The following CNTN5 variants were observed in gnomAD, a reference collection of about 807,000 sequenced individuals.
CNTN5 encodes the protein contactin-5.
Under a neutral mutation model 129.1 loss-of-function variants are expected in CNTN5, and 77 were observed. That is an observed-to-expected ratio of 0.60 (90% CI 0.50 to 0.72). The LOEUF (loss-of-function observed/expected upper bound fraction) is 0.72, where lower values mean the gene tolerates loss of function less well. CNTN5 is among the 30% of genes least tolerant of loss of function. CNTN5 has a pLI of 0.00. For missense variants in CNTN5, 1,478 were observed against 1,328.8 expected, an observed-to-expected ratio of 1.11 and a Z score of -1.75; for synonymous variants, 509 against 465.6, an observed-to-expected ratio of 1.09 and a Z score of -1.20.
chr11:100,088,949 C>A (rs1944653315), intron 13 of CNTN5, among the ~76,000 whole-genome samples: 1 of 151,926 alleles, frequency 6.6e-6, no homozygotes, highest in Non-Finnish European at 1.5e-5. Context: ...AAGCTACAGG[C>A]CAATATCCCC....
chr11:99,250,125 C>T (rs527293766), intron 1 of CNTN5, among the ~76,000 whole-genome samples: 4 of 152,022 alleles, frequency 2.6e-5, no homozygotes, highest in African/African-American at 7.2e-5. Context: ...TTTGTGATAA[C>T]ATAATTGAAT....
chr11:99,436,199 T>C (rs1261068339), intron 2 of CNTN5, among the ~76,000 whole-genome samples: 2 of 152,170 alleles, frequency 1.3e-5, no homozygotes, highest in African/African-American at 2.4e-5. Flanking sequence ...TTACTACATA[T>C]TGAGTGCTGT....
rs1946535024 is a variant in CNTN5, at chr11:99,504,331, A to G, written c.-70-51814A>G. On this transcript the variant is annotated intron_variant, in intron 2 of 24. Transcript: ENST00000524871. ...GCTGAGGTGGGCACATCATGAGGGCAGGAGATCGAGACCATCATGGCTAAC... is the reference window on the plus strand; with the variant it reads ...GCTGAGGTGGGCACATCATGAGGGCGGGAGATCGAGACCATCATGGCTAAC... Among the ~76,000 whole-genome samples the G allele has an allele frequency of 3.9e-5, 6 of 152,190 alleles. No individual in the cohort carries two copies. In the South Asian group the frequency reaches 1.2e-3, roughly 32 times the overall value.
chr11:99,460,861 T>G (rs2135232198), intron 2 of CNTN5, among the ~76,000 whole-genome samples: 1 of 152,066 alleles, frequency 6.6e-6, no homozygotes, highest in Non-Finnish European at 1.5e-5. Flanking sequence ...TCCCAAACGA[T>G]CCATCCATTC....
chr11:99,245,122 CTCTT>C (rs1379068290), intron 1 of CNTN5, among the ~76,000 whole-genome samples: 1 of 152,152 alleles, frequency 6.6e-6, no homozygotes, highest in Non-Finnish European at 1.5e-5. Context: ...ACTGCACACA[CTCTT>C]TATTGCTTCA....
intron 2 of CNTN5, among the ~76,000 whole-genome samples, chr11:99,370,247 A>G (rs527922296): frequency 6.4e-4 from 97 of 152,322 alleles, no homozygotes; most frequent in African/African-American, 2.2e-3. Flanking sequence ...CCTGTACACA[A>G]TAGGTTATCT....
chr11:99,184,346 C>T (rs896673227), intron 1 of CNTN5, among the ~76,000 whole-genome samples: 2 of 152,162 alleles, frequency 1.3e-5, no homozygotes, highest in African/African-American at 4.8e-5. Flanking sequence ...TATGAACTCA[C>T]AGCTGCTACT....
intron 2 of CNTN5, among the ~76,000 whole-genome samples, chr11:99,487,877 A>C (rs1410942520): frequency 6.6e-6 from 1 of 152,222 alleles, no homozygotes; most frequent in Non-Finnish European, 1.5e-5. Context: ...TGTACGTGCC[A>C]CATACTTGCA....
chr11:99,362,879 G>C (rs1353591761), intron 2 of CNTN5, among the ~76,000 whole-genome samples: 4 of 151,134 alleles, frequency 2.6e-5, no homozygotes, highest in African/African-American at 9.7e-5. Context: ...TATTCTGTAG[G>C]TCTGTACTTA....
chr11:99,348,366 T>G (rs1337677123), intron 2 of CNTN5, among the ~76,000 whole-genome samples: 1 of 152,150 alleles, frequency 6.6e-6, no homozygotes, highest in Admixed American at 6.5e-5. Flanking sequence ...AGAACAGTCT[T>G]CTGAAGTAAT....
intron 1 of CNTN5, among the ~76,000 whole-genome samples, chr11:99,291,834 TC>T (rs1456717273): frequency 1.3e-5 from 2 of 151,960 alleles, no homozygotes; most frequent in African/African-American, 4.8e-5. Context: ...TTGATAATCT[TC>T]CACCATCTGC....
intron 1 of CNTN5, among the ~76,000 whole-genome samples, chr11:99,127,428 A>G (rs2135423685): frequency 6.6e-6 from 1 of 152,234 alleles, no homozygotes; most frequent in African/African-American, 2.4e-5. Flanking sequence ...TGAGACATGT[A>G]GTATGCTTCT....
intron 17 of CNTN5, among the ~76,000 whole-genome samples, chr11:100,263,805 A>T (rs554717467): frequency 6.6e-6 from 1 of 152,058 alleles, no homozygotes; most frequent in African/African-American, 2.4e-5. Flanking sequence ...GGTGTTGTGC[A>T]CTCATCTAAT....
intron 2 of CNTN5, among the ~76,000 whole-genome samples, chr11:99,368,413 A>G (rs952363711): frequency 6.6e-6 from 1 of 151,964 alleles, no homozygotes; most frequent in African/African-American, 2.4e-5. Context: ...AGGCTGAGGC[A>G]GGAGGATCAC....
At chr11:99,300,546 A>G (rs189377634) in intron 1 of CNTN5, among the ~76,000 whole-genome samples, 3 of 152,214 alleles carry the variant, frequency 2.0e-5, no homozygotes, top group African/African-American at 7.2e-5. Context: ...ATTTGTATCT[A>G]TGTTCATCAG....
chr11:99,088,922 G>T (rs942344908), intron 1 of CNTN5, among the ~76,000 whole-genome samples: 23 of 152,118 alleles, frequency 1.5e-4, no homozygotes, highest in Non-Finnish European at 5.9e-5. Flanking sequence ...ATACACAAAA[G>T]AAATATATGA....
intron 1 of CNTN5, among the ~76,000 whole-genome samples, chr11:99,105,284 C>G (rs1866942356): frequency 6.6e-6 from 1 of 151,524 alleles, no homozygotes; most frequent in Non-Finnish European, 1.5e-5. Flanking sequence ...TAACCAAAAG[C>G]ATAAAAAAAT....
chr11:100,255,930 T>A lies in CNTN5; in HGVS notation c.2164+12T>A. On this transcript the variant is annotated intron_variant, in intron 17 of 24. Coordinates refer to ENST00000524871, the MANE Select transcript of CNTN5 (RefSeq NM_014361.4). ...AACAGTAAAGACAGGTAAGAGGCAC[T>A]AAAGCAACATCAGATATAACCAGAG... The A allele has an allele frequency of 6.2e-7, 1 of 1,613,164 alleles. No individual in the cohort carries two copies. The highest frequency in any genetic ancestry group is 8.5e-7 in the Non-Finnish European group (1 of 1,179,222).
chr11:100,288,224 C>A (rs113353231), intron 18 of CNTN5, among the ~76,000 whole-genome samples: 1 of 151,958 alleles, frequency 6.6e-6, no homozygotes, highest in Admixed American at 6.6e-5. Flanking sequence ...ACAAGGATAC[C>A]CAGGAATTGA....
Sources: allele counts gnomAD v4.1 joint callset (sites outside exome capture counted in the v4.1 genomes callset), GRCh38; gene constraint gnomAD v4.1.1; transcripts MANE v1.5; gene names NCBI Gene and HGNC (gene_info 2026-07-23, HGNC 2026-07-21).